The following TYW1B variants were observed in gnomAD, a reference collection of about 807,000 sequenced individuals.
The protein encoded by TYW1B is tRNA-yW synthesizing protein 1 homolog B.
A neutral mutation model predicts 86.9 loss-of-function variants in TYW1B; 73 were observed. That is an observed-to-expected ratio of 0.84 (90% CI 0.70 to 1.02). The LOEUF (loss-of-function observed/expected upper bound fraction) is 1.02. Ranked by LOEUF, TYW1B falls within the 50% of genes least tolerant of loss-of-function variation. The pLI is 0.00. For synonymous variants in TYW1B, 248 were observed against 292.8 expected (o/e 0.85, Z 1.56); for missense variants, 637 against 827.4 (o/e 0.77, Z 2.82).
At chr7:72,648,006 T>C (rs1268153567) in intron 11 of TYW1B, among the ~76,000 whole-genome samples, 1 of 152,106 alleles carries the variant, frequency 6.6e-6, no homozygotes, top group African/African-American at 2.4e-5. Flanking sequence ...ATTTTTATGT[T>C]ACAATGATGA....
At chr7:72,676,588 T>C (rs1401192765) in intron 11 of TYW1B, among the ~76,000 whole-genome samples, 1 of 152,062 alleles carries the variant, frequency 6.6e-6, no homozygotes, top group Non-Finnish European at 1.5e-5. Context: ...GCAGCAGCCC[T>C]GGGAGTGAGC....
intron 11 of TYW1B, among the ~76,000 whole-genome samples, chr7:72,664,313 T>G (rs1190582307): frequency 7.2e-5 from 11 of 152,188 alleles, no homozygotes; most frequent in Non-Finnish European, 1.5e-4. Flanking sequence ...TCTTCCTAAT[T>G]TCCATAGGCT....
chr7:72,665,133 G>T (rs1563051546), intron 11 of TYW1B, among the ~76,000 whole-genome samples: 3 of 152,178 alleles, frequency 2.0e-5, no homozygotes, highest in African/African-American at 7.2e-5. Context: ...CTAGCAAGGG[G>T]TGGCTAAGAC....
intron 8 of TYW1B, among the ~76,000 whole-genome samples, chr7:72,736,416 G>A (rs1454630229): frequency 6.6e-6 from 1 of 152,186 alleles, no homozygotes; most frequent in Non-Finnish European, 1.5e-5. Flanking sequence ...CTTTATTACG[G>A]CTAGCAGATA....
intron 7 of TYW1B, among the ~76,000 whole-genome samples, chr7:72,764,719 C>T (rs73356486): frequency 0.011 from 1,736 of 152,272 alleles, 38 homozygotes; most frequent in African/African-American, 0.039. Flanking sequence ...AACGGTACTG[C>T]GTCTGACTCC....
chr7:72,678,689 G>GC (rs1235074928), intron 11 of TYW1B, among the ~76,000 whole-genome samples: 3 of 135,442 alleles, frequency 2.2e-5, no homozygotes, highest in Non-Finnish European at 3.2e-5. Context: ...CAACAGGCGC[G>GC]CATCATCACG....
intron 13 of TYW1B, among the ~76,000 whole-genome samples, chr7:72,576,092 C>T (rs1268505699): frequency 6.6e-6 from 1 of 152,234 alleles, no homozygotes; most frequent in Non-Finnish European, 1.5e-5. Context: ...ATTTTCAAGG[C>T]TGTGTTAACA....
chr7:72,595,298 A>C (rs1325750766), intron 13 of TYW1B, among the ~76,000 whole-genome samples: 1 of 152,232 alleles, frequency 6.6e-6, no homozygotes, highest in Non-Finnish European at 1.5e-5. Context: ...AAGTGGCAGG[A>C]TACAAAGTTA....
chr7:72,800,893 AT>A (rs1457275047), intron 6 of TYW1B, among the ~76,000 whole-genome samples: 4 of 152,246 alleles, frequency 2.6e-5, no homozygotes, highest in Non-Finnish European at 4.4e-5. Flanking sequence ...AAACTTATAT[AT>A]TAAGAGAACT....
intron 11 of TYW1B, among the ~76,000 whole-genome samples, chr7:72,656,777 A>T (rs1813215753): frequency 2.0e-5 from 3 of 152,168 alleles, no homozygotes; most frequent in Admixed American, 2.0e-4. Context: ...AAGGGGGAGC[A>T]GGTGCATCAC....
chr7:72,736,245 A>C (rs151196284), intron 8 of TYW1B, among the ~76,000 whole-genome samples: 1 of 152,324 alleles, frequency 6.6e-6, no homozygotes, highest in Non-Finnish European at 1.5e-5. Flanking sequence ...AGAACAAAGG[A>C]AGGAGGAAGT....
chr7:72,652,405 A>AT (rs1813086918), intron 11 of TYW1B, among the ~76,000 whole-genome samples: 1 of 150,270 alleles, frequency 6.7e-6, no homozygotes, highest in Admixed American at 6.6e-5. Flanking sequence ...AAAAAAAAAA[A>AT]ATTTTTGTGA....
Position 72,684,412 on chromosome 7 carries a change from G to A in TYW1B, c.1506+10275C>T, listed in dbSNP as rs191360502. Among the ~76,000 whole-genome samples, 1,084 of 152,062 alleles carry A rather than the reference G, an allele frequency of 7.1e-3. 17 individuals are homozygous for A. Among genetic ancestry groups the A allele is most frequent in the African/African-American group, 0.025 (1,054 of 41,486 alleles). On this transcript the variant is annotated intron_variant, in intron 11 of 13. Coordinates refer to ENST00000620995, the MANE Select transcript of TYW1B (RefSeq NM_001145440.3). ...CCAGAAACCATGCAAGCAAGGAGAC[G>A]GCAGGGTGAAATATTTAAGTACTGA...
intron 10 of TYW1B, among the ~76,000 whole-genome samples, chr7:72,709,679 A>G (rs1188148683): frequency 6.6e-6 from 1 of 152,168 alleles, no homozygotes; most frequent in African/African-American, 2.4e-5. Flanking sequence ...AAAACAAAAA[A>G]AAAAATTCCA....
At chr7:72,647,811 AGTAGCTGG>A (rs1812965787) in intron 11 of TYW1B, among the ~76,000 whole-genome samples, 1 of 151,998 alleles carries the variant, frequency 6.6e-6, no homozygotes, top group Admixed American at 6.6e-5. Flanking sequence ...CAGCCTCCCG[AGTAGCTGG>A]AACTACAGGC....
intron 6 of TYW1B, among the ~76,000 whole-genome samples, chr7:72,783,468 C>T (rs6954075): frequency 0.69 from 103,434 of 150,606 alleles, 36,416 homozygotes; most frequent in Non-Finnish European, 0.77. Flanking sequence ...TAATAAAAAT[C>T]ATATCACTGA....
intron 11 of TYW1B, among the ~76,000 whole-genome samples, chr7:72,685,246 T>TA (rs1314929840): frequency 5.4e-4 from 80 of 148,120 alleles, no homozygotes; most frequent in African/African-American, 1.7e-3. Context: ...GGGAAAACAC[T>TA]AAAAAAAAAC....
Position 72,575,544 on chromosome 7 carries a change from G to A in TYW1B, c.1961C>T (p.Thr654Ile), listed in dbSNP as rs1161977328. The A allele has an allele frequency of 3.1e-6, 5 of 1,613,778 alleles. No homozygotes were observed. In the African/African-American group the frequency reaches 6.7e-5, roughly 22 times the overall value. Reference sequence around the variant, plus strand: ...TGATTTGTTCTTTCTCTGATGTCTTGTGTCCTTGGGATCAAAGCTTCTTTC... The same window carrying A: ...TGATTTGTTCTTTCTCTGATGTCTTATGTCCTTGGGATCAAAGCTTCTTTC... The part of the protein sequence containing the change: ...ANERSFDPKD[T>I]RHQRKNKSKA... The change falls in exon 14 of 14, where the codon ACA becomes ATA. Residue 654 changes from threonine (T) to isoleucine (I), a missense_variant. By Grantham distance (89) the Thr-to-Ile change is moderately conservative. Transcript: ENST00000620995.
At chr7:72,746,991 T>C (rs1226059714) in intron 7 of TYW1B, among the ~76,000 whole-genome samples, 1 of 152,222 alleles carries the variant, frequency 6.6e-6, no homozygotes, top group East Asian at 1.9e-4. Flanking sequence ...CACTCTTTTT[T>C]GTAATTTGTT....
Sources: allele counts gnomAD v4.1 joint callset (sites outside exome capture counted in the v4.1 genomes callset), GRCh38; gene constraint gnomAD v4.1.1; transcripts MANE v1.5; gene names NCBI Gene and HGNC (gene_info 2026-07-23, HGNC 2026-07-21).